SCMH1: variants seen among roughly 807,000 people sequenced by gnomAD.
The protein encoded by SCMH1 is polycomb protein SCMH1.
SCMH1 carries 37 observed loss-of-function variants against 70.8 expected under a neutral mutation model. The observed-to-expected ratio is 0.52, with a 90% CI of 0.40 to 0.69. The LOEUF is 0.69. SCMH1 is among the 30% of genes least tolerant of loss of function. The pLI is 0.00. For missense variants in SCMH1, 607 were observed against 827.3 expected, an observed-to-expected ratio of 0.73 and a Z score of 3.27; for synonymous variants, 292 against 307.4, an observed-to-expected ratio of 0.95 and a Z score of 0.52.
At chr1:41,089,520 T>C (rs138411847) in intron 8 of SCMH1, among the ~76,000 whole-genome samples, 65 of 152,318 alleles carry the variant, frequency 4.3e-4, no homozygotes, top group African/African-American at 1.5e-3. Context: ...ATCTCTAACC[T>C]GGGTTTTTAC....
chr1:41,173,025 G>T (rs4660505), intron 2 of SCMH1, among the ~76,000 whole-genome samples: 1 of 152,058 alleles, frequency 6.6e-6, no homozygotes, highest in Non-Finnish European at 1.5e-5. Flanking sequence ...ACATTGATCT[G>T]CACAAAGATT....
At chr1:41,225,332 G>A (rs983253234) in intron 1 of SCMH1, among the ~76,000 whole-genome samples, 11 of 152,132 alleles carry the variant, frequency 7.2e-5, no homozygotes, top group Non-Finnish European at 1.3e-4. Context: ...AGTGAGCAAG[G>A]AGGCAGTCAT....
chr1:41,232,607 C>T (rs928870583), intron 1 of SCMH1, among the ~76,000 whole-genome samples: 1 of 152,132 alleles, frequency 6.6e-6, no homozygotes, highest in African/African-American at 2.4e-5. Context: ...TTATAAACTG[C>T]ATAATCTTGG....
Position 41,225,680 on chromosome 1 carries a change from T to C in SCMH1, c.-118+16379A>G, listed in dbSNP as rs556199603. Among the ~76,000 whole-genome samples the C allele has an allele frequency of 3.9e-5, 6 of 152,304 alleles. No individual in the cohort carries two copies. The South Asian group carries it at 1.2e-3, about 32-fold the overall frequency. ...TCCCAGAGAGGAAAGTTTAGTTAAT[T>C]CTAAGCAAAGGAAAGTGGAAAAGTA... On this transcript the variant is annotated intron_variant, in intron 1 of 14. Coordinates refer to ENST00000337495, the Ensembl canonical transcript of SCMH1.
At chr1:41,132,067 A>C (rs1642411960) in intron 6 of SCMH1, among the ~76,000 whole-genome samples, 1 of 152,200 alleles carries the variant, frequency 6.6e-6, no homozygotes, top group Non-Finnish European at 1.5e-5. Flanking sequence ...ATACCCAGTA[A>C]TGGGATCACT....
chr1:41,186,062 A>G, intron 2 of SCMH1, 59 bp downstream of exon 2: 1 of 1,534,722 alleles, frequency 6.5e-7, no homozygotes, highest in South Asian at 1.2e-5. Context: ...CCTTAAAGCC[A>G]GTCCTTGCTA....
At chr1:41,060,286 CA>C in intron 10 of SCMH1, among the ~76,000 whole-genome samples, 1 of 151,986 alleles carries the variant, frequency 6.6e-6, no homozygotes, top group South Asian at 2.1e-4. Flanking sequence ...AACACTGAAA[CA>C]GAACAGAGGA....
At chr1:41,091,682 CAA>C (rs1053179316) in intron 8 of SCMH1, among the ~76,000 whole-genome samples, 65 of 152,300 alleles carry the variant, frequency 4.3e-4, no homozygotes, top group Middle Eastern at 3.4e-3. Flanking sequence ...GCAACTTCAG[CAA>C]AGTCTCAGGA....
At chr1:41,206,466 T>C (rs1655567576) in intron 1 of SCMH1, among the ~76,000 whole-genome samples, 1 of 151,850 alleles carries the variant, frequency 6.6e-6, no homozygotes, top group African/African-American at 2.4e-5. Flanking sequence ...ATCAAATTAA[T>C]GAAATAAAGC....
At chr1:41,116,870 AATATTTG>A in intron 7 of SCMH1, 45 bp downstream of exon 7, 2 of 1,429,740 alleles carry the variant, frequency 1.4e-6, no homozygotes, top group Non-Finnish European at 1.9e-6. Context: ...TCAAAGTCTC[AATATTTG>A]ACCTTAAGCA....
chr1:41,074,605 A>G (rs1466724374), intron 9 of SCMH1, among the ~76,000 whole-genome samples: 1 of 152,176 alleles, frequency 6.6e-6, no homozygotes, highest in Non-Finnish European at 1.5e-5. Context: ...CACGCTGGAC[A>G]TCTACTTTGG....
intron 1 of SCMH1, among the ~76,000 whole-genome samples, chr1:41,201,025 T>C (rs1451359710): frequency 1.3e-5 from 2 of 152,194 alleles, no homozygotes; most frequent in African/African-American, 4.8e-5. Context: ...TTTAACCTCT[T>C]ACAGTCTAAT....
chr1:41,201,918 C>T (rs992894963), intron 1 of SCMH1, among the ~76,000 whole-genome samples: 7 of 152,088 alleles, frequency 4.6e-5, no homozygotes, highest in African/African-American at 1.4e-4. Flanking sequence ...GAGAATAATG[C>T]CTCTTTAAAT....
rs572616771 is a variant in SCMH1, at chr1:41,031,563, G to C, written c.1679-2837C>G. 8.1e-4 allele frequency among the ~76,000 whole-genome samples: 124 copies of C among 152,292 alleles called. 1 individual carries two copies. The highest frequency in any genetic ancestry group is 2.9e-3 in the African/African-American group (120 of 41,544). ...GGAGAGGTATGCTAGAGCCAGCAGG[G>C]GCTGCTTAGAGTCACAGAAATCCCA... On this transcript the variant is annotated intron_variant, in intron 13 of 14. Transcript: ENST00000337495.
intron 8 of SCMH1, among the ~76,000 whole-genome samples, chr1:41,076,387 G>T (rs1658288268): frequency 6.6e-6 from 1 of 152,028 alleles, no homozygotes. Flanking sequence ...AGAATTTTTT[G>T]AGGTAAGGGA....
At chr1:41,062,121 C>A (rs962515042) in intron 10 of SCMH1, among the ~76,000 whole-genome samples, 2 of 152,042 alleles carry the variant, frequency 1.3e-5, no homozygotes, top group Non-Finnish European at 2.9e-5. Flanking sequence ...TGGCCTCAGA[C>A]TCCCAAAGTG....
At chr1:41,128,348 T>C (rs1020595482) in intron 6 of SCMH1, among the ~76,000 whole-genome samples, 1 of 152,248 alleles carries the variant, frequency 6.6e-6, no homozygotes, top group Non-Finnish European at 1.5e-5. Flanking sequence ...GTAGTACTGA[T>C]ATGCTTGTGA....
At chr1:41,097,362 T>G (rs1321194714) in intron 8 of SCMH1, among the ~76,000 whole-genome samples, 1 of 152,236 alleles carries the variant, frequency 6.6e-6, no homozygotes, top group African/African-American at 2.4e-5. Flanking sequence ...GCATTTGATC[T>G]TAGTCTGCTT....
exon 11 of SCMH1, chr1:41,048,796 G>A: frequency 1.2e-6 from 2 of 1,614,184 alleles, no homozygotes; most frequent in Non-Finnish European, 1.7e-6. Context: ...ACACCACAGA[G>A]GCACGGGCTG....
Sources: allele counts gnomAD v4.1 joint callset (sites outside exome capture counted in the v4.1 genomes callset), GRCh38; gene constraint gnomAD v4.1.1; transcripts MANE v1.5; gene names NCBI Gene and HGNC (gene_info 2026-07-23, HGNC 2026-07-21).